Variants in GPRIN3 observed in about 807,000 individuals in gnomAD.
GPRIN3 encodes the protein GPRIN family member 3.
A neutral mutation model predicts 13.7 loss-of-function variants in GPRIN3; 12 were observed. That is an observed-to-expected ratio of 0.87 (90% CI 0.56 to 1.42). GPRIN3 has a LOEUF of 1.42. Ranked by LOEUF, GPRIN3 falls within the 40% of genes most tolerant of loss-of-function variation. GPRIN3 has a pLI of 0.00. For synonymous variants in GPRIN3, 377 were observed against 372.7 expected, an observed-to-expected ratio of 1.01 and a Z score of -0.13; for missense variants, 1,009 against 958.7, an observed-to-expected ratio of 1.05 and a Z score of -0.69.
rs1488263359 is a variant in GPRIN3 at position 89,248,638 on chromosome 4, C to T, written c.1473G>A (p.Arg491=). ...TCGTTTTCTCTGCAAACTCAGATGG[C>T]CTGGTTTCAAATTTCCCCAATCCAT... ...TSYGLGKFET[R]PSEFAEKTTN... Residue 491 remains arginine, a synonymous_variant, in exon 2 of 2, where the codon AGG becomes AGA. Transcript: ENST00000609438. The T allele has an allele frequency of 1.2e-6, 2 of 1,614,124 alleles. No individual in the cohort carries two copies.
chr4:89,258,226 T>C (rs1017613262), intron 1 of GPRIN3, among the ~76,000 whole-genome samples: 7 of 120,820 alleles, frequency 5.8e-5, no homozygotes, highest in African/African-American at 2.1e-4. Flanking sequence ...TGGTTAAGCC[T>C]GAGCATTTTT....
intron 1 of GPRIN3, among the ~76,000 whole-genome samples, chr4:89,255,933 C>T (rs371129665): frequency 2.6e-5 from 4 of 152,188 alleles, no homozygotes; most frequent in East Asian, 1.9e-4. Flanking sequence ...GAACCGTATC[C>T]TTGACAGCAG....
chr4:89,304,105 T>A (rs551939678), intron 1 of GPRIN3, among the ~76,000 whole-genome samples: 26 of 152,280 alleles, frequency 1.7e-4, no homozygotes, highest in Admixed American at 1.3e-3. Context: ...AAGATCCCCC[T>A]CCTCCTTGAA....
At position 89,240,135 on chromosome 4, in the gene GPRIN3, TATG is replaced by T. The variant is rs1236428526; in HGVS notation, c.*7642_*7644del. 6 of 152,194 alleles carry T rather than the reference TATG, an allele frequency of 3.9e-5. No homozygotes were observed. The highest frequency in any genetic ancestry group is 1.2e-4 in the African/African-American group (5 of 41,458). The allele number at this position is 152,194 out of a possible 1,614,324, so 9.4% of individuals were successfully genotyped here. On this transcript the variant is annotated 3_prime_UTR_variant, in exon 2 of 2. Transcript: ENST00000609438. Reference sequence around the variant, plus strand: ...ACAATATCAATTAACTGGTTGGAATTATGATAAGCTGACAAATCTTGTTCAGAG... The same window carrying T: ...ACAATATCAATTAACTGGTTGGAATTATAAGCTGACAAATCTTGTTCAGAG...
intron 1 of GPRIN3, among the ~76,000 whole-genome samples, chr4:89,255,038 T>C (rs1336262803): frequency 2.0e-5 from 3 of 152,184 alleles, no homozygotes; most frequent in South Asian, 4.1e-4. Context: ...TTAACATTAC[T>C]TACCTGGGGT....
intron 1 of GPRIN3, among the ~76,000 whole-genome samples, chr4:89,301,346 G>C (rs1724891844): frequency 6.6e-6 from 1 of 152,202 alleles, no homozygotes; most frequent in Non-Finnish European, 1.5e-5. Context: ...GTTATATTCA[G>C]CATATCTGTC....
At chr4:89,273,232 C>A (rs538131446) in intron 1 of GPRIN3, among the ~76,000 whole-genome samples, 2 of 152,166 alleles carry the variant, frequency 1.3e-5, no homozygotes, top group East Asian at 3.9e-4. Context: ...CATATCATGA[C>A]AAAGCAGAAT....
chr4:89,300,847 T>A (rs1457154877), intron 1 of GPRIN3, among the ~76,000 whole-genome samples: 1 of 152,188 alleles, frequency 6.6e-6, no homozygotes, highest in East Asian at 1.9e-4. Context: ...AGGATGCAGG[T>A]GAAAATGAAC....
chr4:89,249,220 T>C lies in GPRIN3; in HGVS notation c.891A>G (p.Glu297=). 1.9e-6 allele frequency: 3 copies of C among 1,614,138 alleles called. No homozygotes were observed. The highest frequency in any genetic ancestry group is 2.5e-6 in the Non-Finnish European group (3 of 1,180,022). ...PAQRQMSRFK[E]ASTMTNQAES... is the part of the protein sequence containing the mutation. ...CAGCTTGGTTGGTCATCGTACTGGC[T>C]TCTTTGAACCTTGACATCTGACGCT... The change falls in exon 2 of 2, where the codon GAA becomes GAG. Residue 297 remains glutamate, a synonymous_variant. Transcript: ENST00000609438.
chr4:89,298,728 A>C (rs543135616), intron 1 of GPRIN3, among the ~76,000 whole-genome samples: 4 of 152,124 alleles, frequency 2.6e-5, no homozygotes, highest in African/African-American at 4.8e-5. Context: ...GATCCAAAGA[A>C]TTCACCTTTC....
intron 1 of GPRIN3, among the ~76,000 whole-genome samples, chr4:89,270,433 C>T (rs564313717): frequency 4.6e-5 from 7 of 150,872 alleles, no homozygotes; most frequent in East Asian, 1.9e-4. Context: ...GAAATACAAA[C>T]GACTCATCTA....
rs377369002 is a variant in GPRIN3, at chr4:89,305,010, A to T, written c.-124+2605T>A. Among the ~76,000 whole-genome samples the T allele has an allele frequency of 2.0e-5, 3 of 152,334 alleles. 1 individual carries two copies. In the South Asian group the frequency reaches 6.2e-4, roughly 32 times the overall value. On this transcript the variant is annotated intron_variant, in intron 1 of 1. Transcript: ENST00000609438. ...TATTTGAAGAATATAAATTTGGGTA[A>T]TCTGAATACCATAGATCCTCAAAAT...
chr4:89,290,693 A>G (rs1578110407), intron 1 of GPRIN3, among the ~76,000 whole-genome samples: 1 of 152,174 alleles, frequency 6.6e-6, no homozygotes, highest in African/African-American at 2.4e-5. Flanking sequence ...TCATGCTATA[A>G]GCTCCATTTT....
rs770472596 is a variant in GPRIN3, at chr4:89,248,580, GTTTGCAA to G, written c.1524_1530del (p.Cys509TyrfsTer35). The G allele has an allele frequency of 3.5e-5, 57 of 1,613,338 alleles. No individual in the cohort carries two copies. Among genetic ancestry groups the G allele is most frequent in the Non-Finnish European group, 4.7e-5 (55 of 1,179,410 alleles). ...CTGATAGAGCCACAAGAGTCAGATAGTTTGCAATCTGGGTCTGTTTTGTGGCCGTTTG... is the reference window on the plus strand; with the variant it reads ...CTGATAGAGCCACAAGAGTCAGATAGTCTGGGTCTGTTTTGTGGCCGTTTG... On this transcript the variant is annotated frameshift_variant, in exon 2 of 2. Transcript: ENST00000609438. LOFTEE classifies it low-confidence loss of function (END_TRUNC).
At chr4:89,262,857 G>C (rs1416373643) in intron 1 of GPRIN3, among the ~76,000 whole-genome samples, 1 of 152,116 alleles carries the variant, frequency 6.6e-6, no homozygotes, top group Non-Finnish European at 1.5e-5. Flanking sequence ...GGTAGCTCTA[G>C]CAGTTGGTTT....
At chr4:89,302,868 T>A (rs926585601) in intron 1 of GPRIN3, among the ~76,000 whole-genome samples, 6 of 152,076 alleles carry the variant, frequency 3.9e-5, no homozygotes, top group Non-Finnish European at 7.4e-5. Flanking sequence ...TTTATTTTTT[T>A]AAAAAAAGCA....
intron 1 of GPRIN3, among the ~76,000 whole-genome samples, chr4:89,271,970 G>C (rs1299967880): frequency 6.6e-6 from 1 of 152,154 alleles, no homozygotes; most frequent in Admixed American, 6.5e-5. Flanking sequence ...TTGTAAAAGA[G>C]ACCCCGGAGT....
intron 1 of GPRIN3, among the ~76,000 whole-genome samples, chr4:89,288,350 T>G (rs1185519662): frequency 6.6e-6 from 1 of 152,242 alleles, no homozygotes; most frequent in Non-Finnish European, 1.5e-5. Flanking sequence ...TATGCTGTCT[T>G]GGTCACTCAT....
At chr4:89,279,298 A>T (rs961150021) in intron 1 of GPRIN3, among the ~76,000 whole-genome samples, 2 of 152,068 alleles carry the variant, frequency 1.3e-5, no homozygotes, top group African/African-American at 4.8e-5. Context: ...TTTGGAAGAG[A>T]TGTCCCAACT....
Sources: allele counts gnomAD v4.1 joint callset (sites outside exome capture counted in the v4.1 genomes callset), GRCh38; gene constraint gnomAD v4.1.1; transcripts MANE v1.5; gene names NCBI Gene and HGNC (gene_info 2026-07-23, HGNC 2026-07-21).